The following EPHA6 variants were observed in gnomAD, a reference collection of about 807,000 sequenced individuals.
The protein encoded by EPHA6 is ephrin type-A receptor 6.
In EPHA6, 50 loss-of-function variants were observed where a neutral mutation model predicts 112.0. That is an observed-to-expected ratio of 0.45 (90% CI 0.36 to 0.56). The LOEUF is 0.56. Ranked by LOEUF, EPHA6 falls within the 20% of genes least tolerant of loss-of-function variation. EPHA6 has a pLI of 0.00. For missense variants in EPHA6, 1,280 were observed against 1,417.4 expected (o/e 0.90, Z 1.56); for synonymous variants, 529 against 490.7 (o/e 1.08, Z -1.03).
intron 3 of EPHA6, among the ~76,000 whole-genome samples, chr3:97,096,726 A>ATAAT (rs1276074755): frequency 6.6e-6 from 1 of 151,930 alleles, no homozygotes; most frequent in African/African-American, 2.4e-5. Flanking sequence ...GTTTTGAATA[A>ATAAT]TAAGGAGTGG....
intron 7 of EPHA6, among the ~76,000 whole-genome samples, chr3:97,460,822 G>C (rs999879624): frequency 5.3e-5 from 8 of 152,168 alleles, no homozygotes; most frequent in Non-Finnish European, 1.2e-4. Context: ...CAAGTCAACA[G>C]CTGCATCTTT....
intron 5 of EPHA6, among the ~76,000 whole-genome samples, chr3:97,396,683 A>C (rs949988159): frequency 6.6e-6 from 1 of 151,756 alleles, no homozygotes; most frequent in Non-Finnish European, 1.5e-5. Flanking sequence ...TCTTCATTAA[A>C]CAATTGCTCA....
intron 13 of EPHA6, among the ~76,000 whole-genome samples, chr3:97,612,016 G>A (rs2093724543): frequency 6.6e-6 from 1 of 151,970 alleles, no homozygotes; most frequent in Non-Finnish European, 1.5e-5. Context: ...TTATTATAGA[G>A]CAATGCTGCT....
At chr3:97,534,300 T>G (rs948623171) in intron 11 of EPHA6, among the ~76,000 whole-genome samples, 1 of 152,076 alleles carries the variant, frequency 6.6e-6, no homozygotes, top group African/African-American at 2.4e-5. Context: ...TACCATTTCA[T>G]TCTCACAGCA....
At position 96,814,975 on chromosome 3, in the gene EPHA6, C is replaced by G. The variant is rs113461882; in HGVS notation, c.352C>G (p.Pro118Ala). ...GFFLPLLTAW[P>A]GDCSHVSNNQ... ...CTTCTTGCCTCTGCTGACAGCGTGG[C>G]CAGGCGACTGCAGTCACGTCTCCAA... is the stretch of plus-strand genomic sequence containing the variant. The change falls in exon 1 of 18, where the codon CCA (proline) becomes GCA (alanine). Residue 118 changes from proline (P) to alanine (A), a missense_variant. Pro to Ala is a conservative substitution (Grantham distance 27). This residue lies in a region of EPHA6 where 220 missense variants were observed against 171.5 expected (regional missense o/e 1.28). Coordinates refer to ENST00000389672, the MANE Select transcript of EPHA6 (RefSeq NM_001080448.3). The G allele has an allele frequency of 6.5e-7, 1 of 1,539,148 alleles. No individual in the cohort carries two copies. Among genetic ancestry groups the G allele is most frequent in the Middle Eastern group, 1.7e-4 (1 of 5,932 alleles).
At chr3:96,998,513 T>G (rs759797086) in intron 3 of EPHA6, among the ~76,000 whole-genome samples, 7 of 151,886 alleles carry the variant, frequency 4.6e-5, no homozygotes, top group Non-Finnish European at 7.4e-5. Context: ...CTTCAATGAT[T>G]GTTTATTTAG....
At chr3:96,884,262 G>C (rs955352439) in intron 2 of EPHA6, among the ~76,000 whole-genome samples, 1 of 151,960 alleles carries the variant, frequency 6.6e-6, no homozygotes, top group African/African-American at 2.4e-5. Context: ...GAAGAATGAT[G>C]GTGGTTTTTT....
At chr3:97,244,356 G>A (rs754290983) in intron 5 of EPHA6, 69 bp downstream of exon 5, 26 of 1,347,886 alleles carry the variant, frequency 1.9e-5, no homozygotes, top group Non-Finnish European at 2.5e-5. Flanking sequence ...TCCCTCATGG[G>A]CATGTATTTA....
chr3:97,179,623 A>G (rs1331071616), intron 3 of EPHA6, among the ~76,000 whole-genome samples: 3 of 151,880 alleles, frequency 2.0e-5, no homozygotes. Context: ...TTTTAGAGGT[A>G]CTGCCTTGAT....
chr3:97,609,430 T>G (rs894331815), intron 12 of EPHA6, among the ~76,000 whole-genome samples: 1 of 151,384 alleles, frequency 6.6e-6, no homozygotes, highest in African/African-American at 2.4e-5. Flanking sequence ...ACAAGAGTGC[T>G]GACAGTTCAG....
At chr3:97,260,578 T>C (rs1425565834) in intron 5 of EPHA6, among the ~76,000 whole-genome samples, 3 of 152,228 alleles carry the variant, frequency 2.0e-5, no homozygotes, top group African/African-American at 7.2e-5. Context: ...TGGGGATTGT[T>C]CTTTTAAGGA....
intron 14 of EPHA6, among the ~76,000 whole-genome samples, chr3:97,652,432 T>C (rs1279274899): frequency 6.6e-6 from 1 of 152,114 alleles, no homozygotes; most frequent in Non-Finnish European, 1.5e-5. Context: ...ATGTTTTCAA[T>C]GAGCTCAGAT....
intron 3 of EPHA6, among the ~76,000 whole-genome samples, chr3:97,025,397 G>C (rs2044603137): frequency 6.6e-6 from 1 of 152,164 alleles, no homozygotes; most frequent in Admixed American, 6.5e-5. Flanking sequence ...TTTTATACTA[G>C]TCTTTTGCCA....
chr3:97,557,004 T>A (rs146831195), intron 11 of EPHA6, among the ~76,000 whole-genome samples: 1 of 152,196 alleles, frequency 6.6e-6, no homozygotes, highest in African/African-American at 2.4e-5. Flanking sequence ...CTCTATTATA[T>A]GAGTGTATTC....
chr3:97,224,567 A>G (rs890557903), intron 3 of EPHA6, among the ~76,000 whole-genome samples: 6 of 152,310 alleles, frequency 3.9e-5, no homozygotes, highest in Non-Finnish European at 4.4e-5. Flanking sequence ...ATGGCTGATT[A>G]AAAGAAGAAA....
At chr3:96,844,345 C>T (rs924859160) in intron 1 of EPHA6, among the ~76,000 whole-genome samples, 3 of 151,982 alleles carry the variant, frequency 2.0e-5, no homozygotes, top group Admixed American at 6.6e-5. Context: ...AGTTAAACTT[C>T]CCCTGACTGA....
At chr3:97,105,215 T>G (rs1242845439) in intron 3 of EPHA6, among the ~76,000 whole-genome samples, 1 of 152,082 alleles carries the variant, frequency 6.6e-6, no homozygotes, top group Admixed American at 6.6e-5. Context: ...CCTTTAGTGG[T>G]TATGTTAGGT....
At chr3:97,503,132 A>G (rs1378185339) in intron 10 of EPHA6, among the ~76,000 whole-genome samples, 1 of 152,072 alleles carries the variant, frequency 6.6e-6, no homozygotes, top group Non-Finnish European at 1.5e-5. Flanking sequence ...AAAATTAGAT[A>G]AAAGAGACAA....
intron 5 of EPHA6, among the ~76,000 whole-genome samples, chr3:97,259,913 G>A (rs369092221): frequency 1.3e-5 from 2 of 150,908 alleles, no homozygotes; most frequent in African/African-American, 4.9e-5. Flanking sequence ...CGATTCTTCC[G>A]CCTCAGCCTC....
Sources: gnomAD v4.1 joint callset for allele counts (sites outside exome capture counted in the v4.1 genomes callset) on GRCh38, gnomAD v4.1.1 for gene constraint, gnomAD v4.1.1 regional missense constraint, MANE v1.5 for transcripts, NCBI Gene and HGNC (gene_info 2026-07-23, HGNC 2026-07-21) for gene names.